PROSER3: variants seen among roughly 807,000 people sequenced by gnomAD.
The protein encoded by PROSER3 is proline and serine-rich protein 3.
In PROSER3, 33 loss-of-function variants were observed where a neutral mutation model predicts 50.2. The observed-to-expected ratio is 0.66, with a 90% CI of 0.50 to 0.88. PROSER3 has a LOEUF of 0.88. Among genes scored for constraint, PROSER3 ranks in the 40% least tolerant of loss-of-function variants. The pLI, the probability that PROSER3 is intolerant of heterozygous loss-of-function variation, is 0.00. For missense variants in PROSER3, 623 were observed against 612.7 expected, an observed-to-expected ratio of 1.02 and a Z score of -0.18; for synonymous variants, 266 against 259.3, an observed-to-expected ratio of 1.03 and a Z score of -0.25.
exon 1 of PROSER3, chr19:35,758,201 G>A: frequency 1.3e-6 from 2 of 1,560,128 alleles, no homozygotes; most frequent in African/African-American, 1.4e-5. Flanking sequence ...CCGGAAGCGC[G>A]GAGGGAGCCG....
In PROSER3 at chr19:35,762,139, T is replaced by A. The variant is rs768269188; in HGVS notation, c.432T>A (p.Ser144Arg). 7 of 1,597,978 alleles carry A rather than the reference T, an allele frequency of 4.4e-6. No individual in the cohort carries two copies. The South Asian group carries it at 7.7e-5, about 18-fold the overall frequency. ...ACTCTCCAGACCCCAGCAGTCAAAG[T>A]GCAGCAGGTACCTCTTTCAGTGCCA... Residue 144 changes from serine to arginine, a missense_variant, in exon 4 of 11, where the codon AGT (serine) becomes AGA (arginine). Transcript: ENST00000396908.
Position 35,759,773 on chromosome 19 carries a change from T to C in PROSER3, c.109-16T>C, listed in dbSNP as rs754579012. On this transcript the variant is annotated splice_polypyrimidine_tract_variant and intron_variant, in intron 2 of 10. Transcript: ENST00000396908. ...GACCTCACACTTTTTCTTCTTGTGC[T>C]CTTCCCTGATCTTAGACCCTGAGCC... 6.4e-7 allele frequency: 1 copy of C among 1,551,482 alleles called. No homozygotes were observed. The highest frequency in any genetic ancestry group is 1.4e-5 in the African/African-American group (1 of 73,122).
At chr19:35,766,799 C>G (rs1568412958) in exon 8 of PROSER3, 1 of 1,551,028 alleles carries the variant, frequency 6.4e-7, no homozygotes, top group Admixed American at 2.0e-5. Flanking sequence ...CCCAGACCCC[C>G]ACCCCTGCTC....
intron 5 of PROSER3, among the ~76,000 whole-genome samples, chr19:35,764,209 G>T (rs1414261019): frequency 2.6e-5 from 4 of 152,176 alleles, no homozygotes; most frequent in African/African-American, 9.7e-5. Flanking sequence ...GGAAGTGGGG[G>T]CTTTTCGAAT....
intron 3 of PROSER3, among the ~76,000 whole-genome samples, chr19:35,760,422 G>A (rs1970919134): frequency 6.6e-6 from 1 of 152,072 alleles, no homozygotes; most frequent in African/African-American, 2.4e-5. Flanking sequence ...GTGATTACAG[G>A]CCAGACGTAC....
chr19:35,762,565 AG>A (rs1412563281), intron 5 of PROSER3: 79 of 487,228 alleles, frequency 1.6e-4, no homozygotes, highest in South Asian at 1.6e-3. Flanking sequence ...AAAAAAAAAG[AG>A]AGAGAGAGAG....
intron 5 of PROSER3, among the ~76,000 whole-genome samples, chr19:35,763,605 G>A (rs1971035403): frequency 6.9e-6 from 1 of 144,894 alleles, no homozygotes; most frequent in Admixed American, 7.1e-5. Context: ...CCAGGTTCAC[G>A]CCATTCTCCT....
intron 1 of PROSER3, chr19:35,759,071 G>T: frequency 3.4e-6 from 1 of 297,784 alleles, no homozygotes; most frequent in South Asian, 5.3e-5. Context: ...TGATTCTGTT[G>T]GTCTGGAATG....
At chr19:35,761,356 C>T (rs1970947637) in intron 3 of PROSER3, among the ~76,000 whole-genome samples, 1 of 152,056 alleles carries the variant, frequency 6.6e-6, no homozygotes, top group African/African-American at 2.4e-5. Flanking sequence ...GGCAACATGG[C>T]AAGACCCCGT....
Position 35,765,053 on chromosome 19 carries a change from T to G in PROSER3, c.646T>G (p.Ser216Ala), listed in dbSNP as rs750163480. ...CTGCAGCAAAGCCTCCATCTCCTCCTCCTCCTCCCTCAGCCCCAGCGATGC... is the reference window on the plus strand; with the variant it reads ...CTGCAGCAAAGCCTCCATCTCCTCCGCCTCCTCCCTCAGCCCCAGCGATGC... The change falls in exon 7 of 11, where the codon TCC (serine) becomes GCC (alanine). Residue 216 changes from serine to alanine, a missense_variant. Around this residue, in one of 3 missense-constraint regions of PROSER3, gnomAD observed 380 missense variants for 346.8 expected, o/e 1.10. Transcript: ENST00000396908. 3.7e-6 allele frequency: 6 copies of G among 1,613,542 alleles called. No homozygotes were observed. The highest frequency in any genetic ancestry group is 5.1e-6 in the Non-Finnish European group (6 of 1,179,822).
chr19:35,766,623 C>T lies in PROSER3; in HGVS notation c.770-145C>T, dbSNP rs575349033. ...TGACTTTGACCCCTTCCCCTCTTCC[C>T]ACCCCAGAGAGGAGCTGGGACAGTA... On this transcript the variant is annotated intron_variant, in intron 7 of 10. Transcript: ENST00000396908. 6.7e-6 allele frequency: 4 copies of T among 597,932 alleles called. No homozygotes were observed. In the East Asian group the frequency reaches 1.2e-4, roughly 17 times the overall value. The allele number at this position is 597,932 out of a possible 1,614,324, so 37.0% of individuals were successfully genotyped here. A position where few individuals can be genotyped will look rare whatever the true frequency, so the allele number is the denominator to read the frequency against.
intron 5 of PROSER3, chr19:35,762,563 AG>A (rs376147221): frequency 5.4e-4 from 221 of 410,932 alleles, no homozygotes; most frequent in South Asian, 2.7e-3. Context: ...AAAAAAAAAA[AG>A]AGAGAGAGAG....
intron 9 of PROSER3, 27 bp from the exon 10 acceptor site, chr19:35,768,128 G>A: frequency 6.2e-7 from 1 of 1,609,468 alleles, no homozygotes; most frequent in African/African-American, 1.3e-5. Context: ...CGGCCCCTTG[G>A]AGCTCATTCT....
chr19:35,759,476 G>C lies in PROSER3; in HGVS notation c.108+6G>C. On this transcript the variant is annotated splice_donor_region_variant and intron_variant, in intron 2 of 10. Coordinates refer to ENST00000396908, the Ensembl canonical transcript of PROSER3. The stretch of plus-strand genomic sequence containing the variant: ...GCCAGACCTGGTGTCCCAAGGTGAG[G>C]ACACCCCTCAAAGAGTGCTGAGTGC... 6.2e-7 allele frequency: 1 copy of C among 1,609,370 alleles called. No homozygotes were observed. The highest frequency in any genetic ancestry group is 1.1e-5 in the South Asian group (1 of 90,412).
chr19:35,759,537 G>A, intron 2 of PROSER3, 67 bp downstream of exon 2: 1 of 1,400,540 alleles, frequency 7.1e-7, no homozygotes, highest in South Asian at 1.2e-5. Flanking sequence ...TTAGAGGGTA[G>A]GAAGACATGT....
intron 5 of PROSER3, among the ~76,000 whole-genome samples, chr19:35,763,414 C>T (rs1306851298): frequency 1.3e-5 from 2 of 151,080 alleles, no homozygotes; most frequent in Non-Finnish European, 2.9e-5. Context: ...CCGTGTTGCC[C>T]AGGCTTGTCT....
rs372568328 is a variant in PROSER3 at position 35,759,870 on chromosome 19, C to G, written c.190C>G (p.Leu64Val). Residue 64 changes from leucine to valine, a missense_variant, in exon 3 of 11, where the codon CTG (leucine) becomes GTG (valine). Coordinates refer to ENST00000396908, the Ensembl canonical transcript of PROSER3. ...AGCCACAGGTCCCAACTCCCCTGAG[C>G]TGTTTGAGGAGTCCTGGCCATCCAG... The G allele has an allele frequency of 7.6e-6, 12 of 1,586,536 alleles. No homozygotes were observed. The highest frequency in any genetic ancestry group is 9.4e-6 in the Non-Finnish European group (11 of 1,166,814).
At position 35,763,288 on chromosome 19, in the gene PROSER3, G is replaced by A. The variant is rs370064477; in HGVS notation, c.543+932G>A. On this transcript the variant is annotated intron_variant, in intron 5 of 10. Transcript: ENST00000396908. ...GCCATCTCAGCTCACTGCAACCTCC[G>A]CCTCTCGGGGTCAAGCAATTCTTCT... is the stretch of plus-strand genomic sequence containing the variant. Among the ~76,000 whole-genome samples, 697 of 150,864 alleles carry A rather than the reference G, an allele frequency of 4.6e-3. 3 individuals carry two copies. Among genetic ancestry groups the A allele is most frequent in the Non-Finnish European group, 7.8e-3 (527 of 67,724 alleles).
At chr19:35,759,698 G>T in intron 2 of PROSER3, 91 bp from the exon 3 acceptor site, 1 of 1,274,406 alleles carries the variant, frequency 7.8e-7, no homozygotes, top group Non-Finnish European at 1.1e-6. Flanking sequence ...CCTCCCCTCT[G>T]GACTGAGACT....
Sources: gnomAD v4.1 joint callset for allele counts (sites outside exome capture counted in the v4.1 genomes callset) on GRCh38, gnomAD v4.1.1 for gene constraint, gnomAD v4.1.1 regional missense constraint, MANE v1.5 for transcripts, NCBI Gene and HGNC (gene_info 2026-07-23, HGNC 2026-07-21) for gene names.